The following TSC22D1 variants were observed in gnomAD, a reference collection of about 807,000 sequenced individuals.
TSC22D1 encodes TSC22 domain family member 1.
A neutral mutation model predicts 74.2 loss-of-function variants in TSC22D1; 9 were observed. The observed-to-expected ratio is 0.12, with a 90% confidence interval of 0.07 to 0.21. The LOEUF is 0.21. TSC22D1 is among the 10% of genes least tolerant of loss of function. The pLI is 1.00. For synonymous variants in TSC22D1, 586 were observed against 492.5 expected (o/e 1.19, Z -2.51); for missense variants, 1,427 against 1,304.7 (o/e 1.09, Z -1.44).
chr13:44,559,668 G>C (rs1882906357), intron 1 of TSC22D1, among the ~76,000 whole-genome samples: 2 of 151,144 alleles, frequency 1.3e-5, no homozygotes, highest in South Asian at 4.2e-4. Flanking sequence ...ACTGGTGTAA[G>C]CCACTGTGCC....
At chr13:44,436,213 C>T (rs1874607581) in intron 1 of TSC22D1, 118 bp from the exon 2 acceptor site, 1 of 1,198,016 alleles carries the variant, frequency 8.3e-7, no homozygotes. Context: ...TGTTATTTAA[C>T]ACTATGTAAT....
intron 1 of TSC22D1, among the ~76,000 whole-genome samples, chr13:44,534,323 C>T (rs1309721168): frequency 6.9e-6 from 1 of 144,092 alleles, no homozygotes; most frequent in African/African-American, 2.6e-5. Flanking sequence ...AATGGTGCTA[C>T]TGCACTCCAG....
intron 1 of TSC22D1, among the ~76,000 whole-genome samples, chr13:44,572,094 C>T (rs191457618): frequency 1.1e-4 from 16 of 152,232 alleles, no homozygotes; most frequent in Non-Finnish European, 1.9e-4. Flanking sequence ...ATATCTTGCA[C>T]GCTTACTCCA....
chr13:44,490,070 G>C (rs193236850), intron 1 of TSC22D1, among the ~76,000 whole-genome samples: 69 of 152,206 alleles, frequency 4.5e-4, no homozygotes, highest in Non-Finnish European at 9.1e-4. Flanking sequence ...CTAGCCCCCA[G>C]ATGGAAAAAA....
At position 44,573,696 on chromosome 13, in the gene TSC22D1, T is replaced by G. The variant is rs146757458; in HGVS notation, c.2379A>C (p.Gln793His). Residue 793 changes from glutamine to histidine, a missense_variant, in exon 1 of 3, where the codon CAA (glutamine) becomes CAC (histidine). By Grantham distance (24) the Gln-to-His change is conservative. Coordinates refer to ENST00000458659, the MANE Select transcript of TSC22D1 (RefSeq NM_183422.4). ...GGGGAGGCACAGTTAACAAGGAACT[T>G]TGGGATGCAATAACCAATTGTTGAG... Reference protein sequence around the residue: ...SLPQQLVIASQSSLLTVPPQP... With the variant: ...SLPQQLVIASHSSLLTVPPQP... 6.2e-7 allele frequency: 1 copy of G among 1,614,102 alleles called. No individual in the cohort carries two copies.
At chr13:44,453,603 C>A (rs564982255) in intron 1 of TSC22D1, among the ~76,000 whole-genome samples, 17 of 152,298 alleles carry the variant, frequency 1.1e-4, no homozygotes, top group African/African-American at 4.1e-4. Context: ...AGCCAAGATC[C>A]AAACTCAAGT....
intron 1 of TSC22D1, among the ~76,000 whole-genome samples, chr13:44,441,095 T>C (rs1407290708): frequency 2.0e-5 from 3 of 151,816 alleles, no homozygotes; most frequent in Non-Finnish European, 4.4e-5. Context: ...GCATGGGAAA[T>C]AGGAACCAGG....
intron 1 of TSC22D1, among the ~76,000 whole-genome samples, chr13:44,535,586 A>G (rs746633972): frequency 2.0e-5 from 3 of 151,972 alleles, no homozygotes; most frequent in Non-Finnish European, 4.4e-5. Context: ...TTGCAGTCAC[A>G]CTGCTTGTCA....
At chr13:44,569,923 G>A (rs1052058799) in intron 1 of TSC22D1, among the ~76,000 whole-genome samples, 1 of 151,980 alleles carries the variant, frequency 6.6e-6, no homozygotes, top group Non-Finnish European at 1.5e-5. Context: ...GGGAAAGATT[G>A]GTAAACATAA....
rs114138135 is a variant in TSC22D1 at position 44,512,079 on chromosome 13, C to G, written c.2912+61084G>C. 4.2e-3 allele frequency among the ~76,000 whole-genome samples: 636 copies of G among 152,322 alleles called. 3 individuals are homozygous for G. The highest frequency in any genetic ancestry group is 0.015 in the African/African-American group (615 of 41,582). ...GCTCCCACCATCAACATCTTCATTT[C>G]AGAATTGTATCCCAATCTTCAAACT... On this transcript the variant is annotated intron_variant, in intron 1 of 2. Transcript: ENST00000458659.
intron 1 of TSC22D1, among the ~76,000 whole-genome samples, chr13:44,496,237 A>G (rs1878969519): frequency 1.3e-5 from 2 of 152,346 alleles, no homozygotes; most frequent in South Asian, 4.1e-4. Flanking sequence ...ATCACTAGCC[A>G]TTAGGGAAAT....
intron 1 of TSC22D1, among the ~76,000 whole-genome samples, chr13:44,540,257 C>A (rs982364188): frequency 6.6e-6 from 1 of 152,124 alleles, no homozygotes; most frequent in Non-Finnish European, 1.5e-5. Context: ...GGAAAAGGCA[C>A]ACAACCTCAG....
chr13:44,551,310 G>GTGTGT (rs1555272440), intron 1 of TSC22D1, among the ~76,000 whole-genome samples: 10 of 132,858 alleles, frequency 7.5e-5, no homozygotes, highest in African/African-American at 2.6e-4. Context: ...ATCAGCTGGG[G>GTGTGT]GTGTGTGTGT....
At chr13:44,531,289 T>C (rs1299803790) in intron 1 of TSC22D1, among the ~76,000 whole-genome samples, 1 of 152,178 alleles carries the variant, frequency 6.6e-6, no homozygotes, top group Admixed American at 6.5e-5. Context: ...TAAAAGTCTA[T>C]TAAAAATACT....
Position 44,574,170 on chromosome 13 carries a change from C to G in TSC22D1, c.1905G>C (p.Met635Ile). The G allele has an allele frequency of 1.2e-6, 2 of 1,614,260 alleles. No individual in the cohort carries two copies. Among genetic ancestry groups the G allele is most frequent in the Non-Finnish European group, 1.7e-6 (2 of 1,180,052 alleles). The change falls in exon 1 of 3, where the codon ATG (methionine) becomes ATC (isoleucine). Residue 635 changes from methionine (M) to isoleucine (I), a missense_variant. By Grantham distance (10) the Met-to-Ile change is conservative (BLOSUM62 1). Coordinates refer to ENST00000458659, the MANE Select transcript of TSC22D1 (RefSeq NM_183422.4). ...QQLQYGQQQP[M>I]VSTQMAPGHV... ...GGCCTGGGGCCATCTGTGTAGAAAC[C>G]ATTGGTTGCTGTTGTCCATACTGTA...
At chr13:44,518,220 T>C (rs1400003158) in intron 1 of TSC22D1, among the ~76,000 whole-genome samples, 1 of 151,726 alleles carries the variant, frequency 6.6e-6, no homozygotes, top group East Asian at 1.9e-4. Flanking sequence ...ATAATTTTGA[T>C]GAAAAAAGAA....
intron 1 of TSC22D1, among the ~76,000 whole-genome samples, chr13:44,549,982 T>C (rs1882121477): frequency 6.6e-6 from 1 of 152,112 alleles, no homozygotes; most frequent in Non-Finnish European, 1.5e-5. Flanking sequence ...TTACTGACTA[T>C]TCACAGTTTC....
chr13:44,555,495 A>G (rs980126647), intron 1 of TSC22D1, among the ~76,000 whole-genome samples: 1 of 152,148 alleles, frequency 6.6e-6, no homozygotes, highest in African/African-American at 2.4e-5. Flanking sequence ...CATCCCAGCT[A>G]CTCAGGAGGC....
At chr13:44,440,530 G>C (rs1317365060) in intron 1 of TSC22D1, among the ~76,000 whole-genome samples, 1 of 145,256 alleles carries the variant, frequency 6.9e-6, no homozygotes, top group Non-Finnish European at 1.5e-5. Flanking sequence ...AGAGGTTGCA[G>C]TGAGCTGAGA....
Sources: gnomAD v4.1 joint callset for allele counts (sites outside exome capture counted in the v4.1 genomes callset) on GRCh38, gnomAD v4.1.1 for gene constraint, MANE v1.5 for transcripts, NCBI Gene and HGNC (gene_info 2026-07-23, HGNC 2026-07-21) for gene names.